The following THAP3 variants were observed in gnomAD, a reference collection of about 807,000 sequenced individuals.
THAP3 encodes the protein THAP domain-containing protein 3.
A neutral mutation model predicts 17.7 loss-of-function variants in THAP3; 12 were observed. The ratio of observed to expected loss-of-function variants is 0.68; its 90% CI spans 0.43 to 1.10. The LOEUF is 1.10. Ranked by LOEUF, THAP3 falls within the 50% of genes least tolerant of loss-of-function variation. The pLI is 0.00. For synonymous variants in THAP3, 133 were observed against 126.9 expected (o/e 1.05, Z -0.32); for missense variants, 289 against 318.0 (o/e 0.91, Z 0.69).
chr1:6,633,188 G>T lies in THAP3; in HGVS notation c.*111G>T. Reference sequence around the variant, plus strand: ...TGTGGACACTGAGAAAGTTGGCCATGAGGCCTGCTTGGCCGGGGATCGAGA... The same window carrying T: ...TGTGGACACTGAGAAAGTTGGCCATTAGGCCTGCTTGGCCGGGGATCGAGA... On this transcript the variant is annotated 3_prime_UTR_variant, in exon 6 of 6. Transcript: ENST00000054650. The T allele has an allele frequency of 6.8e-7, 1 of 1,470,730 alleles. No homozygotes were observed. 91.1% of individuals were successfully genotyped at this position (1,470,730 alleles called of 1,614,324 possible). A position where few individuals can be genotyped will look rare whatever the true frequency, so the allele number is the denominator to read the frequency against.
downstream of THAP3, chr1:6,634,804 G>A (rs775936079): frequency 3.9e-5 from 50 of 1,286,334 alleles, no homozygotes; most frequent in Non-Finnish European, 4.9e-5. Context: ...ACCACGGGCC[G>A]GGCCTGGGGT....
At chr1:6,635,553 C>T, downstream of THAP3, 1 of 1,085,206 alleles carries the variant, frequency 9.2e-7, no homozygotes, top group South Asian at 1.5e-5. Flanking sequence ...GATAATGGTA[C>T]CACCTTCTAT....
chr1:6,625,143 CCCGCAGGTCCCTCCCCTCT>C lies in THAP3; in HGVS notation c.-68_-50del. On this transcript the variant is annotated splice_acceptor_variant and splice_polypyrimidine_tract_variant and 5_prime_UTR_variant and intron_variant, in exon 2 of 6. Transcript: ENST00000054650. LOFTEE classifies it low-confidence loss of function (5UTR_SPLICE). ...CCACCTCCCAGCGGCCCCGCCCCTC[CCCGCAGGTCCCTCCCCTCT>C]CCGCAGGCCCCGCCGCCGCCGCCAT... 1.1e-4 allele frequency: 159 copies of C among 1,462,580 alleles called. No homozygotes were observed. The highest frequency in any genetic ancestry group is 1.4e-4 in the Non-Finnish European group (150 of 1,092,204). The allele number at this position is 1,462,580 out of a possible 1,614,324, so 90.6% of individuals were successfully genotyped here. A position where few individuals can be genotyped will look rare whatever the true frequency, so the allele number is the denominator to read the frequency against.
In THAP3 at chr1:6,628,610, G is replaced by A. The variant is rs762442185; in HGVS notation, c.186G>A (p.Glu62=). The A allele has an allele frequency of 5.6e-6, 9 of 1,613,904 alleles. No individual in the cohort carries two copies. The highest frequency in any genetic ancestry group is 6.8e-6 in the Non-Finnish European group (8 of 1,180,026). Residue 62 remains glutamate, a synonymous_variant, in exon 3 of 6, where the codon GAG becomes GAA. Coordinates refer to ENST00000054650, the MANE Select transcript of THAP3 (RefSeq NM_001195753.2). The part of the protein sequence containing the change: ...TVICSEHFRP[E]CFSAFGNRKN... ...TCTGCTCCGAGCACTTCCGGCCAGA[G>A]TGCTTCAGCGCCTTTGGAAACCGCA...
chr1:6,626,505 A>G (rs2148714823), intron 2 of THAP3, among the ~76,000 whole-genome samples: 1 of 152,300 alleles, frequency 6.6e-6, no homozygotes, highest in East Asian at 1.9e-4. Flanking sequence ...TCTACAATTG[A>G]AGGGCATTTG....
intron 2 of THAP3, 94 bp downstream of exon 2, chr1:6,625,386 G>T: frequency 5.1e-6 from 6 of 1,181,710 alleles, no homozygotes; most frequent in Non-Finnish European, 6.6e-6. Flanking sequence ...AGGCCCAAAG[G>T]CGTGCGGCCG....
At position 6,632,499 on chromosome 1, in the gene THAP3, A is replaced by C. The variant is rs781482899; in HGVS notation, c.438+4A>C. 1.9e-6 allele frequency: 3 copies of C among 1,614,188 alleles called. No individual in the cohort carries two copies. In the South Asian group the frequency reaches 3.3e-5, roughly 18 times the overall value. On this transcript the variant is annotated splice_donor_region_variant and intron_variant, in intron 5 of 5. Transcript: ENST00000054650. ...TGCCGAAGGCCACGTAAAACAGGTA[A>C]GACTGAGTGCAAAGGTGGTCTGTGG...
At chr1:6,632,233 G>C (rs1557457418) in intron 4 of THAP3, 158 bp from the exon 5 acceptor site, 2 of 885,026 alleles carry the variant, frequency 2.3e-6, no homozygotes, top group Admixed American at 2.6e-5. Flanking sequence ...AAAAAGTTCA[G>C]TTCCAGGGTG....
At position 6,630,316 on chromosome 1, in the gene THAP3, G is replaced by A. The variant is rs2148718965; in HGVS notation, c.296G>A (p.Ser99Asn). The change falls in exon 4 of 6, where the codon AGT becomes AAT. Residue 99 changes from serine (S) to asparagine (N), a missense_variant. Transcript: ENST00000054650. ...GTGAGGGAGAACACAGACCCTGCCA[G>A]TGAGAGAGGAAATGCCAGCTCTTCT... ...QQVRENTDPA[S>N]ERGNASSSQK... 6.2e-7 allele frequency: 1 copy of A among 1,614,202 alleles called. No individual in the cohort carries two copies. Among genetic ancestry groups the A allele is most frequent in the Non-Finnish European group, 8.5e-7 (1 of 1,180,034 alleles).
downstream of THAP3, chr1:6,634,760 C>T (rs1641724912): frequency 1.9e-5 from 25 of 1,337,102 alleles, no homozygotes; most frequent in Non-Finnish European, 2.3e-5. Flanking sequence ...GCTGGACCTG[C>T]AGGAGCGGGG....
downstream of THAP3, chr1:6,634,352 A>C: frequency 8.9e-7 from 1 of 1,118,482 alleles, no homozygotes; most frequent in Non-Finnish European, 1.2e-6. Flanking sequence ...ACCTTTTTAA[A>C]AAATGGAGAT....
Position 6,625,535 on chromosome 1 carries a change from G to A in THAP3, c.74+243G>A, listed in dbSNP as rs12724167. Among the ~76,000 whole-genome samples, 581 of 152,170 alleles carry A rather than the reference G, an allele frequency of 3.8e-3. 1 individual carries two copies. The highest frequency in any genetic ancestry group is 0.01 in the Middle Eastern group (3 of 292). ...AGGGCCGGGACGTGCAGGGAGCGGA[G>A]CAGGTGTTTGCTGAACAGACTAGCG... On this transcript the variant is annotated intron_variant, in intron 2 of 5. Transcript: ENST00000054650.
At chr1:6,631,725 G>A (rs946583673) in intron 4 of THAP3, among the ~76,000 whole-genome samples, 3 of 152,008 alleles carry the variant, frequency 2.0e-5, no homozygotes, top group African/African-American at 4.8e-5. Flanking sequence ...GCGAAACCCC[G>A]TCTCTACTAA....
downstream of THAP3, chr1:6,634,486 T>C (rs778390365): frequency 1.5e-6 from 2 of 1,333,538 alleles, no homozygotes; most frequent in South Asian, 2.4e-5. Context: ...GTGGGTGGGC[T>C]GGAGGCCGGC....
Position 6,626,474 on chromosome 1 carries a change from T to C in THAP3, c.74+1182T>C, listed in dbSNP as rs1570239570. On this transcript the variant is annotated intron_variant, in intron 2 of 5. Transcript: ENST00000054650. ...CACATAATATTCCATTGAATGCAAG[T>C]GCCAGAATTTACTGATTTGTTCTAC... Among the ~76,000 whole-genome samples, 5 of 152,320 alleles carry C rather than the reference T, an allele frequency of 3.3e-5. No homozygotes were observed. In the South Asian group the frequency reaches 1.0e-3, roughly 32 times the overall value.
intron 4 of THAP3, among the ~76,000 whole-genome samples, chr1:6,630,591 T>C (rs1039156317): frequency 3.9e-5 from 6 of 152,208 alleles, no homozygotes; most frequent in African/African-American, 1.4e-4. Context: ...TTTCTTTTTT[T>C]TGAGACTGAG....
chr1:6,634,210 C>T, downstream of THAP3: 3 of 976,968 alleles, frequency 3.1e-6, no homozygotes, highest in Non-Finnish European at 4.6e-6. Flanking sequence ...GCCTTCTGTA[C>T]AGTCGACTGC....
Position 6,625,312 on chromosome 1 carries a change from G to A in THAP3, c.74+20G>A. The stretch of plus-strand genomic sequence containing the variant: ...CCACCGGTAAGAGGCGGGGACCCGG[G>A]GGCGCGGGAGGCCCAGACCCGGGGC... On this transcript the variant is annotated intron_variant, in intron 2 of 5. Transcript: ENST00000054650. The A allele has an allele frequency of 1.3e-6, 2 of 1,524,544 alleles. No homozygotes were observed. Among genetic ancestry groups the A allele is most frequent in the South Asian group, 1.2e-5 (1 of 81,634 alleles). 94.4% of individuals were successfully genotyped at this position (1,524,544 alleles called of 1,614,324 possible).
downstream of THAP3, chr1:6,633,635 G>A (rs193277332): frequency 2.9e-4 from 304 of 1,038,328 alleles, 1 homozygote; most frequent in African/African-American, 4.4e-3. Flanking sequence ...GTGGCCGGGC[G>A]CAGTGGCTCA....
Sources: allele counts gnomAD v4.1 joint callset (sites outside exome capture counted in the v4.1 genomes callset), GRCh38; gene constraint gnomAD v4.1.1; transcripts MANE v1.5; gene names NCBI Gene and HGNC (gene_info 2026-07-23, HGNC 2026-07-21).